Variants in DIAPH3 observed in about 807,000 individuals in gnomAD.
DIAPH3 encodes the protein diaphanous related formin 3.
Under a neutral mutation model 144.3 loss-of-function variants are expected in DIAPH3, and 117 were observed. The observed-to-expected ratio is 0.81, with a 90% CI of 0.70 to 0.95. The LOEUF is 0.95. Ranked by LOEUF, DIAPH3 falls within the 40% of genes least tolerant of loss-of-function variation. The probability of loss-of-function intolerance (pLI) is 0.00; values close to 1 mark genes in which losing one functional copy is unlikely to be tolerated. For missense variants in DIAPH3, 1,421 were observed against 1,412.7 expected (o/e 1.01, Z -0.09); for synonymous variants, 519 against 488.9 (o/e 1.06, Z -0.81).
intron 5 of DIAPH3, among the ~76,000 whole-genome samples, chr13:60,026,690 G>A (rs193163518): frequency 5.9e-5 from 9 of 151,968 alleles, no homozygotes; most frequent in Admixed American, 1.3e-4. Context: ...ACCAACCAAC[G>A]GTATTAGACA....
intron 1 of DIAPH3, among the ~76,000 whole-genome samples, chr13:60,160,540 T>C (rs1323487882): frequency 6.6e-6 from 1 of 152,204 alleles, no homozygotes; most frequent in Non-Finnish European, 1.5e-5. Flanking sequence ...CTGAAAGGCT[T>C]TCCACAATCT....
intron 4 of DIAPH3, among the ~76,000 whole-genome samples, chr13:60,077,483 C>A (rs1298582819): frequency 6.6e-6 from 1 of 152,044 alleles, no homozygotes; most frequent in Non-Finnish European, 1.5e-5. Context: ...CACACAGTTG[C>A]ACCAATATCA....
chr13:59,720,406 ATTG>A (rs1172794192), intron 27 of DIAPH3, among the ~76,000 whole-genome samples: 1 of 152,216 alleles, frequency 6.6e-6, no homozygotes, highest in Non-Finnish European at 1.5e-5. Flanking sequence ...AATATTAGAA[ATTG>A]TTATTAAATG....
At chr13:60,099,516 C>T (rs1204569460) in intron 3 of DIAPH3, among the ~76,000 whole-genome samples, 1 of 152,020 alleles carries the variant, frequency 6.6e-6, no homozygotes, top group Non-Finnish European at 1.5e-5. Flanking sequence ...TGCTGCCCCA[C>T]GTCACAAGAG....
At chr13:59,668,536 C>T (rs919318748) in intron 27 of DIAPH3, among the ~76,000 whole-genome samples, 2 of 152,044 alleles carry the variant, frequency 1.3e-5, no homozygotes, top group African/African-American at 4.8e-5. Context: ...TGCGCGTGTC[C>T]ATGTATGCAC....
chr13:59,945,620 G>GA (rs150378815), intron 17 of DIAPH3, among the ~76,000 whole-genome samples: 1,774 of 131,982 alleles, frequency 0.013, 12 homozygotes, highest in East Asian at 0.024. Flanking sequence ...CTTGCTGACA[G>GA]AAAAAAAAAA....
intron 4 of DIAPH3, among the ~76,000 whole-genome samples, chr13:60,056,806 G>A (rs1334436862): frequency 1.3e-5 from 2 of 151,826 alleles, no homozygotes; most frequent in East Asian, 3.9e-4. Context: ...GAGATAGGGA[G>A]TTACTACTTA....
intron 24 of DIAPH3, among the ~76,000 whole-genome samples, chr13:59,829,528 C>A (rs989338879): frequency 2.0e-5 from 3 of 151,796 alleles, no homozygotes; most frequent in Non-Finnish European, 4.4e-5. Flanking sequence ...GTACACATAC[C>A]ACATTTAGTT....
intron 24 of DIAPH3, among the ~76,000 whole-genome samples, chr13:59,811,587 A>AT: frequency 6.6e-6 from 1 of 151,918 alleles, no homozygotes; most frequent in Non-Finnish European, 1.5e-5. Flanking sequence ...AAATACAAAA[A>AT]TTAGCTGGGT....
chr13:59,975,647 T>C (rs540979840), intron 14 of DIAPH3, among the ~76,000 whole-genome samples: 1 of 152,050 alleles, frequency 6.6e-6, no homozygotes, highest in African/African-American at 2.4e-5. Context: ...TTTTGAAGCA[T>C]AAAAAGAAGC....
At chr13:59,670,607 C>CGG (rs1195176820) in intron 27 of DIAPH3, among the ~76,000 whole-genome samples, 2 of 140,456 alleles carry the variant, frequency 1.4e-5, no homozygotes, top group Non-Finnish European at 3.0e-5. Flanking sequence ...TTTTTTGAGA[C>CGG]AGTCTTGCTC....
intron 19 of DIAPH3, among the ~76,000 whole-genome samples, chr13:59,912,841 T>C (rs760999275): frequency 1.1e-4 from 16 of 152,140 alleles, no homozygotes; most frequent in Non-Finnish European, 1.9e-4. Flanking sequence ...GAGAATGTTA[T>C]ACATCAAAAT....
At chr13:59,865,292 A>G (rs186338941) in intron 21 of DIAPH3, among the ~76,000 whole-genome samples, 1 of 152,106 alleles carries the variant, frequency 6.6e-6, no homozygotes, top group Non-Finnish European at 1.5e-5. Context: ...TCCTACTCAT[A>G]TCATACTCAC....
chr13:60,087,400 TA>T (rs2057781384), intron 4 of DIAPH3, among the ~76,000 whole-genome samples: 1 of 152,180 alleles, frequency 6.6e-6, no homozygotes. Flanking sequence ...AAAATACTTT[TA>T]AACACTATAT....
chr13:59,973,544 T>C (rs569699403), intron 15 of DIAPH3, among the ~76,000 whole-genome samples: 1 of 152,232 alleles, frequency 6.6e-6, no homozygotes, highest in Non-Finnish European at 1.5e-5. Flanking sequence ...AATTGAATAC[T>C]AACAGATAGC....
At chr13:59,790,414 C>T (rs773554739) in intron 25 of DIAPH3, among the ~76,000 whole-genome samples, 4 of 152,172 alleles carry the variant, frequency 2.6e-5, no homozygotes, top group Non-Finnish European at 4.4e-5. Context: ...CTCACTGCTG[C>T]CAACCTTGCA....
chr13:59,805,071 G>A (rs963114311), intron 25 of DIAPH3, among the ~76,000 whole-genome samples: 1 of 152,038 alleles, frequency 6.6e-6, no homozygotes, highest in East Asian at 1.9e-4. Flanking sequence ...GACTGAAGTT[G>A]CACCAAATGA....
chr13:59,819,257 GT>G (rs916557668), intron 24 of DIAPH3, among the ~76,000 whole-genome samples: 1 of 151,890 alleles, frequency 6.6e-6, no homozygotes, highest in African/African-American at 2.4e-5. Context: ...TATTCACCAA[GT>G]TGTAGTCTTG....
At chr13:60,057,648 C>G (rs565990342) in intron 4 of DIAPH3, among the ~76,000 whole-genome samples, 1 of 151,876 alleles carries the variant, frequency 6.6e-6, no homozygotes, top group East Asian at 1.9e-4. Context: ...TCCAATTATA[C>G]GACAGGGATA....
Sources: allele counts gnomAD v4.1 joint callset (sites outside exome capture counted in the v4.1 genomes callset), GRCh38; gene constraint gnomAD v4.1.1; transcripts MANE v1.5; gene names NCBI Gene and HGNC (gene_info 2026-07-23, HGNC 2026-07-21).